Variants in ATP7A observed in about 807,000 individuals in gnomAD.
ATP7A encodes ATPase copper transporting alpha, also known as copper-transporting ATPase 1.
Under a neutral mutation model 83.5 loss-of-function variants are expected in ATP7A, and 7 were observed. The observed-to-expected ratio is 0.08, with a 90% CI of 0.05 to 0.16. The LOEUF (loss-of-function observed/expected upper bound fraction) is 0.16. Ranked by LOEUF, ATP7A falls within the 10% of genes least tolerant of loss-of-function variation. ATP7A has a pLI of 1.00. For missense variants in ATP7A, 940 were observed against 1,120.8 expected, an observed-to-expected ratio of 0.84 and a Z score of 2.30; for synonymous variants, 354 against 395.2, an observed-to-expected ratio of 0.90 and a Z score of 1.24.
At chrX:77,996,229 T>C (rs1332655067) in intron 4 of ATP7A, among the ~76,000 whole-genome samples, 1 of 111,688 alleles carries the variant, frequency 9.0e-6, no homozygotes, top group Non-Finnish European at 1.9e-5. Context: ...CATTTTTTTC[T>C]GAACTATTTG....
intron 6 of ATP7A, among the ~76,000 whole-genome samples, chrX:78,005,832 T>A (rs5912560): frequency 9.2e-6 from 1 of 109,105 alleles, no homozygotes. Flanking sequence ...CTTCTTGGGA[T>A]GAAGACACCA....
chrX:77,913,505 ATC>A lies in ATP7A; in HGVS notation c.-22+2673_-22+2674del, dbSNP rs2077171171. On this transcript the variant is annotated intron_variant, in intron 1 of 22. Transcript: ENST00000341514. ...CAGCAATCATGTTTTTCCCTCTTAA[ATC>A]TCAGTCTTCAGGTTGATTTAATGTG... Among the ~76,000 whole-genome samples the A allele has an allele frequency of 3.2e-4, 36 of 111,744 alleles. No individual in the cohort carries two copies. In the South Asian group the frequency reaches 0.013, roughly 40 times the overall value.
At chrX:78,041,148 A>G (rs1557238340) in intron 19 of ATP7A, among the ~76,000 whole-genome samples, 3 of 111,594 alleles carry the variant, frequency 2.7e-5, no homozygotes, top group African/African-American at 9.8e-5. Flanking sequence ...CCACTTTGAC[A>G]TACCATTTTT....
At chrX:78,009,562 A>G (rs782299939) in intron 7 of ATP7A, 1 of 276,910 alleles carries the variant, frequency 3.6e-6, no homozygotes, top group Non-Finnish European at 6.4e-6. Context: ...TATAAATAAG[A>G]TTCATATTAG....
intron 1 of ATP7A, among the ~76,000 whole-genome samples, chrX:77,926,903 A>G (rs2077244622): frequency 9.1e-6 from 1 of 110,161 alleles, no homozygotes; most frequent in African/African-American, 3.3e-5. Context: ...GGGTGTCACC[A>G]TGTTGGCCAG....
chrX:77,990,928 CAT>C (rs1369555620), intron 4 of ATP7A, among the ~76,000 whole-genome samples: 1 of 112,059 alleles, frequency 8.9e-6, no homozygotes, highest in Non-Finnish European at 1.9e-5. Flanking sequence ...TTACTAAACA[CAT>C]GTCTAAATTG....
chrX:77,930,985 C>CTTTTTTTTTTTTTTTTTTTTTAATTTTT (rs2077269253), intron 1 of ATP7A, among the ~76,000 whole-genome samples: 1 of 34,967 alleles, frequency 2.9e-5, no homozygotes, highest in Non-Finnish European at 5.4e-5. Flanking sequence ...TAGGAACATT[C>CTTTTTTTTTTTTTTTTTTTTTAATTTTT]TTTTTTTTTT....
chrX:78,007,120 C>A (rs1178260287), intron 6 of ATP7A, among the ~76,000 whole-genome samples: 1 of 111,601 alleles, frequency 9.0e-6, no homozygotes, highest in Non-Finnish European at 1.9e-5. Flanking sequence ...CATTTCATAT[C>A]CCCACCAACA....
intron 1 of ATP7A, among the ~76,000 whole-genome samples, chrX:77,926,534 T>C (rs2077242361): frequency 9.0e-6 from 1 of 110,820 alleles, no homozygotes; most frequent in Non-Finnish European, 1.9e-5. Context: ...TTTCGCCACA[T>C]TGGCCAGGCT....
Position 77,989,881 on chromosome X carries a change from A to G in ATP7A, c.1259A>G (p.Glu420Gly), listed in dbSNP as rs782530774. ...VSLANSNGTV[E>G]YDPLLTSPET... ...CTTGCAAATAGCAATGGGACTGTTG[A>G]GTATGATCCTCTACTAACCTCTCCA... The change falls in exon 4 of 23, where the codon GAG becomes GGG. Residue 420 changes from glutamate (E) to glycine (G), a missense_variant. Physicochemically the swap from Glu to Gly is moderately conservative, Grantham distance 98 (BLOSUM62 -2). This residue lies in a region of ATP7A where 350 missense variants were observed against 432.8 expected (regional missense o/e 0.81). Coordinates refer to ENST00000341514, the MANE Select transcript of ATP7A (RefSeq NM_000052.7). 6 of 1,210,214 alleles carry G rather than the reference A, an allele frequency of 5.0e-6. No homozygotes were observed. In the South Asian group the frequency reaches 5.3e-5, roughly 11 times the overall value.
At chrX:78,037,975 G>C (rs868915929) in intron 17 of ATP7A, among the ~76,000 whole-genome samples, 1 of 54,278 alleles carries the variant, frequency 1.8e-5, no homozygotes, top group Non-Finnish European at 3.2e-5. Flanking sequence ...GTGAGATCAA[G>C]AAAGGTTTTT....
intron 11 of ATP7A, 90 bp downstream of exon 11, chrX:78,014,843 A>T: frequency 1.5e-6 from 1 of 651,679 alleles, no homozygotes; most frequent in Admixed American, 2.6e-5. Flanking sequence ...GACTATCATG[A>T]ATTCACATAA....
At chrX:77,997,920 A>G (rs782222379) in intron 4 of ATP7A, among the ~76,000 whole-genome samples, 1 of 110,782 alleles carries the variant, frequency 9.0e-6, no homozygotes, top group Admixed American at 9.7e-5. Context: ...AAATTTATTC[A>G]TCTGTCTGTC....
chrX:77,991,458 T>G (rs2077668823), intron 4 of ATP7A, among the ~76,000 whole-genome samples: 1 of 112,380 alleles, frequency 8.9e-6, no homozygotes, highest in South Asian at 3.6e-4. Context: ...TTTTTGTTTT[T>G]TCATTCAACA....
Position 78,045,526 on chromosome X carries a change from G to T in ATP7A, c.4180G>T (p.Ala1394Ser), listed in dbSNP as rs189818149. ...GCCCTGGATGGGATCTGCAGCAATG[G>T]CTGCTTCATCTGTTTCTGTAGTACT... ...LQPWMGSAAMAASSVSVVLSS... is the reference protein window; with the variant it reads ...LQPWMGSAAMSASSVSVVLSS... Residue 1394 changes from alanine (A) to serine (S), a missense_variant, in exon 22 of 23, where the codon GCT becomes TCT. Physicochemically the swap from Ala to Ser is moderately conservative, Grantham distance 99. Transcript: ENST00000341514. 3.3e-6 allele frequency: 4 copies of T among 1,209,987 alleles called. No homozygotes were observed. The highest frequency in any genetic ancestry group is 3.4e-6 in the Non-Finnish European group (3 of 895,035).
chrX:78,043,040 A>G (rs1286224437), intron 20 of ATP7A, among the ~76,000 whole-genome samples: 1 of 112,418 alleles, frequency 8.9e-6, no homozygotes, highest in African/African-American at 3.2e-5. Flanking sequence ...TGGATTCGGA[A>G]TAAAATGATC....
intron 4 of ATP7A, among the ~76,000 whole-genome samples, chrX:77,991,562 T>C (rs1010696738): frequency 9.0e-6 from 1 of 111,547 alleles, no homozygotes; most frequent in Non-Finnish European, 1.9e-5. Flanking sequence ...TGAACATATG[T>C]TTTTATTTCT....
chrX:77,955,627 A>T (rs1307290191), intron 1 of ATP7A, among the ~76,000 whole-genome samples: 2 of 111,394 alleles, frequency 1.8e-5, no homozygotes, highest in Non-Finnish European at 3.8e-5. Context: ...CACCTCATAC[A>T]TTTATCAGTG....
intron 1 of ATP7A, among the ~76,000 whole-genome samples, chrX:77,931,909 C>T (rs1244881918): frequency 2.1e-5 from 2 of 94,262 alleles, no homozygotes; most frequent in African/African-American, 3.9e-5. Context: ...GCAGAGGCGC[C>T]CCTCACCTCC....
Sources: allele counts gnomAD v4.1 joint callset (sites outside exome capture counted in the v4.1 genomes callset), GRCh38; gene constraint gnomAD v4.1.1; regional missense constraint gnomAD v4.1.1; transcripts MANE v1.5; gene names NCBI Gene and HGNC (gene_info 2026-07-23, HGNC 2026-07-21).